Variants in SYNJ2 observed in about 807,000 individuals in gnomAD.
SYNJ2 encodes the protein polyphosphatidylinositol phosphatase SYNJ2.
A neutral mutation model predicts 141.3 loss-of-function variants in SYNJ2; 116 were observed. The ratio of observed to expected loss-of-function variants is 0.82; its 90% CI spans 0.71 to 0.96. SYNJ2 has a LOEUF of 0.96. Among genes scored for constraint, SYNJ2 ranks in the 40% least tolerant of loss-of-function variants. The pLI is 0.00. For missense variants in SYNJ2, 1,873 were observed against 1,934.8 expected (o/e 0.97, Z 0.60); for synonymous variants, 745 against 777.7 (o/e 0.96, Z 0.70).
At chr6:158,009,335 T>C (rs1189070805) in intron 1 of SYNJ2, among the ~76,000 whole-genome samples, 1 of 152,138 alleles carries the variant, frequency 6.6e-6, no homozygotes, top group East Asian at 1.9e-4. Flanking sequence ...CACCCCATCT[T>C]GGTCTGCACC....
chr6:158,040,422 G>C lies in SYNJ2; in HGVS notation c.712-2894G>C, dbSNP rs915534781. On this transcript the variant is annotated intron_variant, in intron 4 of 26. Coordinates refer to ENST00000355585, the MANE Select transcript of SYNJ2 (RefSeq NM_003898.4). The surrounding 1 kb of genome is among the most constrained non-coding windows in gnomAD (Gnocchi z 4.2). ...GTGTAGATAGCATCTCAGCCTCCTT[G>C]GGAGGAAGCCTTGAGTCTTTTTGGC... is the stretch of plus-strand genomic sequence containing the variant. 2.6e-5 allele frequency among the ~76,000 whole-genome samples: 4 copies of C among 151,728 alleles called. No individual in the cohort carries two copies. The highest frequency in any genetic ancestry group is 5.9e-5 in the Non-Finnish European group (4 of 67,920).
In SYNJ2 at chr6:158,069,482, A is replaced by T. The variant is rs1171899867; in HGVS notation, c.1800-51A>T. On this transcript the variant is annotated intron_variant, in intron 13 of 26. Transcript: ENST00000355585. ...CTGGAGCATTTGGTAGGTGGGAGAT[A>T]GATGTACTTCCAGCTACCTGTAAAC... The T allele has an allele frequency of 2.5e-6, 4 of 1,581,446 alleles. No individual in the cohort carries two copies. The South Asian group carries it at 3.5e-5, about 14-fold the overall frequency.
Position 158,095,852 on chromosome 6 carries a change from C to T in SYNJ2, c.3979C>T (p.Pro1327Ser), listed in dbSNP as rs759196176. ...ASVPPPLEAP[P>S]LVPKVPPRRK... is the part of the protein sequence containing the mutation. ...TGTGCCACCACCTCTGGAGGCGCCGCCTCTTGTGCCCAAGGTACCCCCGAG... is the reference window on the plus strand; with the variant it reads ...TGTGCCACCACCTCTGGAGGCGCCGTCTCTTGTGCCCAAGGTACCCCCGAG... Residue 1327 changes from proline to serine, a missense_variant, in exon 27 of 27, where the codon CCT (proline) becomes TCT (serine). Transcript: ENST00000355585. The T allele has an allele frequency of 8.7e-6, 14 of 1,614,046 alleles. No homozygotes were observed.
intron 21 of SYNJ2, among the ~76,000 whole-genome samples, 198 bp downstream of exon 21, chr6:158,083,795 T>C (rs534279061): frequency 6.6e-6 from 1 of 152,278 alleles, no homozygotes; most frequent in Non-Finnish European, 1.5e-5. Context: ...GCATCTAAAC[T>C]TAGGCTACAA....
At chr6:157,983,833 T>A (rs1021724670) in intron 1 of SYNJ2, among the ~76,000 whole-genome samples, 3 of 140,448 alleles carry the variant, frequency 2.1e-5, no homozygotes, top group African/African-American at 6.1e-5. Context: ...AAAAAAAAAT[T>A]TTTTTTTTTT....
In SYNJ2 at chr6:158,097,364, T is replaced by G. The variant is rs1723546596; in HGVS notation, c.*1000T>G. The G allele has an allele frequency of 6.6e-6, 1 of 152,184 alleles. No homozygotes were observed. The highest frequency in any genetic ancestry group is 2.1e-4 in the South Asian group (1 of 4,830). The allele number at this position is 152,184 out of a possible 1,614,324, so 9.4% of individuals were successfully genotyped here. ...GTTTCTGGGTTTGCTTGTCTATATG[T>G]TTGTCTATATTTTTTGCCTATACAT... On this transcript the variant is annotated 3_prime_UTR_variant, in exon 27 of 27. Transcript: ENST00000355585.
rs1782886406 is a variant in SYNJ2 at position 158,084,130 on chromosome 6, A to G, written c.3164A>G (p.Lys1055Arg). ...CCCACAGCACTGGCTCCTCCCAGCAAGTCACCTGCTCTCACCAAAAAGAAG... is the reference window on the plus strand; with the variant it reads ...CCCACAGCACTGGCTCCTCCCAGCAGGTCACCTGCTCTCACCAAAAAGAAG... ...PGPTALAPPSKSPALTKKKQH... is the reference protein window; with the variant it reads ...PGPTALAPPSRSPALTKKKQH... The change falls in exon 22 of 27, where the codon AAG becomes AGG. Residue 1055 changes from lysine to arginine, a missense_variant. Transcript: ENST00000355585. This position sits in a 1 kb window ranked among gnomAD's most constrained non-coding sequence, Gnocchi z 5.0. The G allele has an allele frequency of 1.2e-6, 2 of 1,614,060 alleles. No individual in the cohort carries two copies. Among genetic ancestry groups the G allele is most frequent in the African/African-American group, 2.7e-5 (2 of 74,912 alleles).
rs904416986 is a variant in SYNJ2, at chr6:158,083,524, C to T, written c.2961C>T (p.Pro987=). Residue 987 remains proline, a synonymous_variant, in exon 21 of 27, where the codon CCC becomes CCT. Transcript: ENST00000355585. ...EIIRKRDSMA[P]VSPTANSCLL... is the part of the protein sequence containing the mutation. Reference sequence around the variant, plus strand: ...TTCGGAAACGAGACAGCATGGCCCCCGTGTCTCCCACTGCCAACTCCTGTT... The same window carrying T: ...TTCGGAAACGAGACAGCATGGCCCCTGTGTCTCCCACTGCCAACTCCTGTT... 5.6e-6 allele frequency: 9 copies of T among 1,614,132 alleles called. No individual in the cohort carries two copies. The East Asian group carries it at 8.9e-5, about 16-fold the overall frequency.
Position 158,084,505 on chromosome 6 carries a change from A to G in SYNJ2, c.3208+331A>G, listed in dbSNP as rs1261340161. On this transcript the variant is annotated intron_variant, in intron 22 of 26. Coordinates refer to ENST00000355585, the MANE Select transcript of SYNJ2 (RefSeq NM_003898.4). The surrounding 1 kb of genome is among the most constrained non-coding windows in gnomAD (Gnocchi z 5.0). ...TATTTGTGATTATTTCCCGCCCCCAACAAAACTCTTCTGATTCAGCCAGGC... is the reference window on the plus strand; with the variant it reads ...TATTTGTGATTATTTCCCGCCCCCAGCAAAACTCTTCTGATTCAGCCAGGC... Among the ~76,000 whole-genome samples, 2 of 152,076 alleles carry G rather than the reference A, an allele frequency of 1.3e-5. No homozygotes were observed. The highest frequency in any genetic ancestry group is 2.4e-5 in the African/African-American group (1 of 41,406).
chr6:157,995,851 G>A (rs1777614187), intron 1 of SYNJ2, among the ~76,000 whole-genome samples: 1 of 152,168 alleles, frequency 6.6e-6, no homozygotes, highest in African/African-American at 2.4e-5. Flanking sequence ...ATTAGAGTCT[G>A]TAATGGGAAA....
intron 2 of SYNJ2, among the ~76,000 whole-genome samples, chr6:158,021,695 G>T (rs1778780067): frequency 6.6e-6 from 1 of 152,200 alleles, no homozygotes; most frequent in Admixed American, 6.5e-5. Context: ...CTGGTTTCAT[G>T]GGCAGTCACT....
intron 23 of SYNJ2, among the ~76,000 whole-genome samples, chr6:158,087,549 A>T (rs147692044): frequency 6.6e-6 from 1 of 152,272 alleles, no homozygotes; most frequent in East Asian, 1.9e-4. Context: ...CAAAGCTGTG[A>T]TGTGCTTTTG....
chr6:158,064,633 G>C lies in SYNJ2; in HGVS notation c.1242G>C (p.Leu414=). 1 of 1,614,038 alleles carries C rather than the reference G, an allele frequency of 6.2e-7. No individual in the cohort carries two copies. The highest frequency in any genetic ancestry group is 8.5e-7 in the Non-Finnish European group (1 of 1,180,014). ...ATCTGCAGCTCAAGACCCTGGGGCTGAGTTCAAAACCCATCGTTGACCGCT... is the reference window on the plus strand; with the variant it reads ...ATCTGCAGCTCAAGACCCTGGGGCTCAGTTCAAAACCCATCGTTGACCGCT... The part of the protein sequence containing the change: ...VLHLQLKTLG[L]SSKPIVDRFV... Residue 414 remains leucine (L), a synonymous_variant, in exon 10 of 27, where the codon CTG becomes CTC. Transcript: ENST00000355585.
At position 158,017,256 on chromosome 6, in the gene SYNJ2, G is replaced by A. The variant is rs150821967; in HGVS notation, c.180G>A (p.Ala60=). Residue 60 remains alanine (A), a synonymous_variant, in exon 2 of 27, where the codon GCG becomes GCA. Coordinates refer to ENST00000355585, the MANE Select transcript of SYNJ2 (RefSeq NM_003898.4). ...IKGQYGKLTD[A]YGCLGELRLK... ...GACAGTATGGCAAGCTCACGGACGCGTACGGCTGCCTGGGGGAGCTGAGGC... is the reference window on the plus strand; with the variant it reads ...GACAGTATGGCAAGCTCACGGACGCATACGGCTGCCTGGGGGAGCTGAGGC... 3.0e-5 allele frequency: 49 copies of A among 1,613,672 alleles called. No individual in the cohort carries two copies. The highest frequency in any genetic ancestry group is 1.7e-4 in the Middle Eastern group (1 of 6,058).
intron 17 of SYNJ2, 99 bp from the exon 18 acceptor site, chr6:158,078,065 G>GT (rs3831094): frequency 0.51 from 384,755 of 758,276 alleles, 100,033 homozygotes; most frequent in African/African-American, 0.64. Flanking sequence ...ACGTGGGGTG[G>GT]TTCGTGGCGC....
Position 158,064,912 on chromosome 6 carries a change from G to C in SYNJ2, c.1446G>C (p.Lys482Asn), listed in dbSNP as rs144218638. 1.2e-6 allele frequency: 2 copies of C among 1,613,860 alleles called. No homozygotes were observed. Among genetic ancestry groups the C allele is most frequent in the Non-Finnish European group, 8.5e-7 (1 of 1,179,914 alleles). ...FFDGVKQEAI[K>N]LLLVGDVYGE... ...ACGGGGTGAAGCAGGAGGCCATCAA[G>C]CTGCTGCTGGTTGGGGACGTCTACG... is the stretch of plus-strand genomic sequence containing the variant. Residue 482 changes from lysine to asparagine, a missense_variant, in exon 11 of 27, where the codon AAG becomes AAC. Physicochemically the swap from Lys to Asn is moderately conservative, Grantham distance 94 (BLOSUM62 0). Transcript: ENST00000355585.
At chr6:158,053,761 G>GCACC in intron 5 of SYNJ2, among the ~76,000 whole-genome samples, 1 of 127,618 alleles carries the variant, frequency 7.8e-6, no homozygotes, top group East Asian at 2.5e-4. Flanking sequence ...ACCCATCCAT[G>GCACC]CACCCACCCA....
At chr6:158,056,201 A>G (rs1780859442) in intron 6 of SYNJ2, among the ~76,000 whole-genome samples, 1 of 152,250 alleles carries the variant, frequency 6.6e-6, no homozygotes, top group Admixed American at 6.5e-5. Flanking sequence ...CTTAAAAAAT[A>G]CATACATCTA....
intron 4 of SYNJ2, among the ~76,000 whole-genome samples, chr6:158,036,243 T>G (rs571271026): frequency 1.1e-3 from 172 of 152,348 alleles, no homozygotes; most frequent in Non-Finnish European, 1.9e-3. Flanking sequence ...CTGGCAAGAT[T>G]GCAGAGAAAA....
Sources: allele counts gnomAD v4.1 joint callset (sites outside exome capture counted in the v4.1 genomes callset), GRCh38; gene constraint gnomAD v4.1.1; non-coding constraint Gnocchi (gnomAD v3.1); transcripts MANE v1.5; gene names NCBI Gene and HGNC (gene_info 2026-07-23, HGNC 2026-07-21).